GMDS: variants seen among roughly 807,000 people sequenced by gnomAD.
GMDS encodes GDP-mannose 4,6-dehydratase.
A neutral mutation model predicts 49.9 loss-of-function variants in GMDS; 20 were observed. That is an observed-to-expected ratio of 0.40 (90% CI 0.28 to 0.58). GMDS has a LOEUF of 0.58. Among genes scored for constraint, GMDS ranks in the 20% least tolerant of loss-of-function variants. GMDS has a pLI of 0.42. For synonymous variants in GMDS, 177 were observed against 178.6 expected (o/e 0.99, Z 0.07); for missense variants, 362 against 481.4 (o/e 0.75, Z 2.32).
At chr6:2,092,188 T>C (rs1216407076) in intron 4 of GMDS, among the ~76,000 whole-genome samples, 4 of 152,204 alleles carry the variant, frequency 2.6e-5, no homozygotes, top group Non-Finnish European at 4.4e-5. Flanking sequence ...CGGTTAGTAG[T>C]AGTGAACTAA....
At chr6:1,756,349 C>T (rs1259337230) in intron 7 of GMDS, among the ~76,000 whole-genome samples, 3 of 151,974 alleles carry the variant, frequency 2.0e-5, no homozygotes, top group Non-Finnish European at 4.4e-5. Context: ...CTGCAACCTC[C>T]GCCTCCCGTG....
At chr6:2,215,467 A>G (rs895053412) in intron 1 of GMDS, among the ~76,000 whole-genome samples, 10 of 150,968 alleles carry the variant, frequency 6.6e-5, no homozygotes, top group Admixed American at 2.0e-4. Context: ...ACTCACTACC[A>G]CAAGAACAGC....
chr6:2,106,585 G>A lies in GMDS; in HGVS notation c.345+9186C>T, dbSNP rs188813074. 3.0e-3 allele frequency among the ~76,000 whole-genome samples: 460 copies of A among 152,154 alleles called. 4 individuals carry two copies. Among genetic ancestry groups the A allele is most frequent in the African/African-American group, 0.011 (441 of 41,500 alleles). On this transcript the variant is annotated intron_variant, in intron 4 of 10. Coordinates refer to ENST00000380815, the MANE Select transcript of GMDS (RefSeq NM_001500.4). ...TGTAATCTAATCAAGAATCCTGGCT[G>A]GGCAAGGTGGCTCATACCTGTAATC...
chr6:1,784,390 CAAAAAAAA>C (rs780517217), intron 7 of GMDS, among the ~76,000 whole-genome samples: 1 of 40,494 alleles, frequency 2.5e-5, no homozygotes, highest in Non-Finnish European at 5.0e-5. Context: ...AGACTCGTCT[CAAAAAAAA>C]AAAAAAAAAA....
intron 7 of GMDS, among the ~76,000 whole-genome samples, chr6:1,879,914 G>A (rs1171930506): frequency 1.3e-5 from 2 of 152,160 alleles, no homozygotes; most frequent in Non-Finnish European, 2.9e-5. Context: ...GACCTACACT[G>A]CAAGAACACA....
At chr6:2,218,626 ATTATC>A (rs965578421) in intron 1 of GMDS, among the ~76,000 whole-genome samples, 1 of 152,202 alleles carries the variant, frequency 6.6e-6, no homozygotes, top group African/African-American at 2.4e-5. Context: ...AGTACAGAAC[ATTATC>A]TTAATTTTTA....
intron 7 of GMDS, among the ~76,000 whole-genome samples, chr6:1,812,818 T>C (rs1406167360): frequency 1.3e-5 from 2 of 152,338 alleles, no homozygotes; most frequent in East Asian, 1.9e-4. Flanking sequence ...CTCAGTTTGA[T>C]GTAGATTTCT....
rs1417622049 is a variant in GMDS at position 1,948,413 on chromosome 6, T to G, written c.643+11454A>C. Among the ~76,000 whole-genome samples, 4 of 152,336 alleles carry G rather than the reference T, an allele frequency of 2.6e-5. No homozygotes were observed. The East Asian group carries it at 5.8e-4, about 22-fold the overall frequency. On this transcript the variant is annotated intron_variant, in intron 6 of 10. Coordinates refer to ENST00000380815, the MANE Select transcript of GMDS (RefSeq NM_001500.4). ...AGTCACAAAGTAAAGTAAGGTTTTC[T>G]TCTTGTAATTGACACAACCATATAC...
chr6:2,149,478 G>A (rs551664646), intron 1 of GMDS, among the ~76,000 whole-genome samples: 27 of 152,150 alleles, frequency 1.8e-4, no homozygotes, highest in African/African-American at 5.8e-4. Flanking sequence ...TATGTGAGGC[G>A]TCTACCACAG....
At chr6:2,169,893 T>C (rs1777870015) in intron 1 of GMDS, among the ~76,000 whole-genome samples, 1 of 151,968 alleles carries the variant, frequency 6.6e-6, no homozygotes, top group Non-Finnish European at 1.5e-5. Flanking sequence ...CAGAAGGTGC[T>C]ATCTGGTGGT....
intron 9 of GMDS, among the ~76,000 whole-genome samples, chr6:1,673,860 T>C (rs1561717656): frequency 6.6e-6 from 1 of 152,012 alleles, no homozygotes; most frequent in Non-Finnish European, 1.5e-5. Context: ...TGGCCTTTCA[T>C]GGCTTGATAG....
At chr6:1,917,551 T>C (rs1335786651) in intron 7 of GMDS, among the ~76,000 whole-genome samples, 1 of 152,220 alleles carries the variant, frequency 6.6e-6, no homozygotes, top group Non-Finnish European at 1.5e-5. Context: ...TAGATCTTTA[T>C]ATTTTATTTT....
chr6:1,631,642 T>TCCTC (rs887852679), intron 9 of GMDS, among the ~76,000 whole-genome samples: 2 of 151,932 alleles, frequency 1.3e-5, no homozygotes, highest in East Asian at 3.9e-4. Context: ...AATCCTTCCT[T>TCCTC]CCTCCCTCCC....
intron 5 of GMDS, among the ~76,000 whole-genome samples, chr6:1,960,417 T>TA (rs140236874): frequency 0.025 from 3,673 of 149,794 alleles, 131 homozygotes; most frequent in East Asian, 0.18. Flanking sequence ...TCATGGAAAA[T>TA]AAAAAAAAAC....
intron 9 of GMDS, among the ~76,000 whole-genome samples, chr6:1,681,594 C>G (rs888201163): frequency 6.6e-6 from 1 of 152,154 alleles, no homozygotes; most frequent in Non-Finnish European, 1.5e-5. Flanking sequence ...GAGTGGCATC[C>G]GCCAGCTCCC....
At chr6:1,882,408 T>A (rs1185150727) in intron 7 of GMDS, among the ~76,000 whole-genome samples, 1 of 152,234 alleles carries the variant, frequency 6.6e-6, no homozygotes, top group Non-Finnish European at 1.5e-5. Flanking sequence ...TAAGTACAAC[T>A]GTATACACTC....
At chr6:2,078,432 T>C (rs1033122252) in intron 4 of GMDS, among the ~76,000 whole-genome samples, 1 of 152,134 alleles carries the variant, frequency 6.6e-6, no homozygotes, top group Admixed American at 6.5e-5. Flanking sequence ...TAGTACTGCT[T>C]TTGCTGTATC....
chr6:2,233,635 C>T (rs1781213836), intron 1 of GMDS, among the ~76,000 whole-genome samples: 1 of 152,180 alleles, frequency 6.6e-6, no homozygotes, highest in African/African-American at 2.4e-5. Context: ...GCCTGGCCAA[C>T]ATGGAGAAAC....
chr6:2,028,160 G>A (rs1768718528), intron 4 of GMDS, among the ~76,000 whole-genome samples: 1 of 152,168 alleles, frequency 6.6e-6, no homozygotes, highest in South Asian at 2.1e-4. Flanking sequence ...TGTGTAAAAT[G>A]AATACTTTTG....
Sources: gnomAD v4.1 joint callset for allele counts (sites outside exome capture counted in the v4.1 genomes callset) on GRCh38, gnomAD v4.1.1 for gene constraint, MANE v1.5 for transcripts, NCBI Gene and HGNC (gene_info 2026-07-23, HGNC 2026-07-21) for gene names.